The following CNTNAP2 variants were observed in gnomAD, a reference collection of about 807,000 sequenced individuals.
CNTNAP2 encodes the protein contactin-associated protein-like 2.
CNTNAP2 carries 98 observed loss-of-function variants against 155.2 expected under a neutral mutation model. The observed-to-expected ratio is 0.63, with a 90% CI of 0.54 to 0.75. The LOEUF (loss-of-function observed/expected upper bound fraction) is 0.75. CNTNAP2 is among the 30% of genes least tolerant of loss of function. The pLI is 0.00. For synonymous variants in CNTNAP2, 651 were observed against 631.2 expected (o/e 1.03, Z -0.47); for missense variants, 1,727 against 1,688.1 (o/e 1.02, Z -0.40).
At chr7:147,197,626 T>G (rs889073745) in intron 8 of CNTNAP2, among the ~76,000 whole-genome samples, 41 of 152,040 alleles carry the variant, frequency 2.7e-4, no homozygotes, top group African/African-American at 9.9e-4. Flanking sequence ...AATGAACAGG[T>G]TTTTCTCAGA....
chr7:147,331,744 G>T (rs764499370), intron 9 of CNTNAP2, among the ~76,000 whole-genome samples: 7 of 152,134 alleles, frequency 4.6e-5, no homozygotes, highest in Non-Finnish European at 8.8e-5. Context: ...AAGACTCATC[G>T]AGATTACTAG....
At chr7:146,349,450 C>T (rs956349702) in intron 1 of CNTNAP2, among the ~76,000 whole-genome samples, 18 of 152,146 alleles carry the variant, frequency 1.2e-4, no homozygotes, top group African/African-American at 3.9e-4. Flanking sequence ...CAAACTTATG[C>T]ATCTATAAAA....
chr7:147,548,338 G>A (rs1329411083), intron 11 of CNTNAP2, among the ~76,000 whole-genome samples: 1 of 152,152 alleles, frequency 6.6e-6, no homozygotes, highest in South Asian at 2.1e-4. Context: ...GTTTAGATTT[G>A]CATTTCTCTG....
chr7:147,816,310 G>A (rs189545757), intron 13 of CNTNAP2, among the ~76,000 whole-genome samples: 5 of 152,278 alleles, frequency 3.3e-5, no homozygotes, highest in Admixed American at 3.3e-4. Context: ...GAGGATGGGG[G>A]ATGGAGAAAG....
intron 1 of CNTNAP2, among the ~76,000 whole-genome samples, chr7:146,616,027 A>G (rs561294121): frequency 6.6e-6 from 1 of 152,334 alleles, no homozygotes; most frequent in South Asian, 2.1e-4. Context: ...TAGTATGACA[A>G]TGGTAATCCT....
chr7:147,050,765 G>A (rs1013963589), intron 4 of CNTNAP2, among the ~76,000 whole-genome samples: 8 of 152,084 alleles, frequency 5.3e-5, no homozygotes, highest in African/African-American at 1.9e-4. Flanking sequence ...AATTTAAGAC[G>A]ATGGAAAGGT....
chr7:148,153,020 C>CAAAAAA (rs373499312), intron 17 of CNTNAP2, among the ~76,000 whole-genome samples: 2 of 22,678 alleles, frequency 8.8e-5, no homozygotes, highest in African/African-American at 3.4e-4. Flanking sequence ...GACTCCGTCT[C>CAAAAAA]AAAAAAAAAA....
At chr7:147,631,620 T>C (rs1169833616) in intron 12 of CNTNAP2, among the ~76,000 whole-genome samples, 1 of 152,128 alleles carries the variant, frequency 6.6e-6, no homozygotes, top group East Asian at 1.9e-4. Context: ...ATGGTACTGG[T>C]GTAAAAATAG....
chr7:147,198,481 C>T (rs958486727), intron 8 of CNTNAP2, among the ~76,000 whole-genome samples: 2 of 152,222 alleles, frequency 1.3e-5, no homozygotes, highest in Non-Finnish European at 2.9e-5. Context: ...ATCCACCCAC[C>T]TCAGCCTCCC....
intron 1 of CNTNAP2, among the ~76,000 whole-genome samples, chr7:146,711,570 C>A (rs971160092): frequency 6.7e-6 from 1 of 149,308 alleles, no homozygotes; most frequent in Non-Finnish European, 1.5e-5. Flanking sequence ...AAACACCATA[C>A]TGTATTCAAA....
chr7:147,377,248 C>G (rs897795300), intron 9 of CNTNAP2, among the ~76,000 whole-genome samples: 13 of 147,948 alleles, frequency 8.8e-5, no homozygotes, highest in Admixed American at 2.7e-4. Context: ...TATTTTTTTT[C>G]AAAAATACTT....
chr7:148,367,047 A>G (rs1205908832), intron 21 of CNTNAP2, among the ~76,000 whole-genome samples: 2 of 152,164 alleles, frequency 1.3e-5, no homozygotes, highest in African/African-American at 2.4e-5. Flanking sequence ...TCTGGCCAAC[A>G]TGGTGAAGCC....
intron 21 of CNTNAP2, among the ~76,000 whole-genome samples, chr7:148,362,363 C>T (rs1798641120): frequency 6.6e-6 from 1 of 152,150 alleles, no homozygotes; most frequent in African/African-American, 2.4e-5. Flanking sequence ...GGACACAGAG[C>T]CAAACAGTAT....
chr7:147,645,726 G>A (rs1795355704), intron 13 of CNTNAP2, among the ~76,000 whole-genome samples: 1 of 152,154 alleles, frequency 6.6e-6, no homozygotes, highest in Non-Finnish European at 1.5e-5. Flanking sequence ...CTGTGTATCA[G>A]GAAGTGTGAC....
intron 8 of CNTNAP2, among the ~76,000 whole-genome samples, chr7:147,206,955 G>GTGA (rs1803035554): frequency 6.6e-6 from 1 of 152,138 alleles, no homozygotes; most frequent in African/African-American, 2.4e-5. Context: ...GGAAATTACT[G>GTGA]CTCATTTCAG....
chr7:146,817,134 A>G (rs1803187124), intron 2 of CNTNAP2, among the ~76,000 whole-genome samples: 1 of 152,132 alleles, frequency 6.6e-6, no homozygotes, highest in Admixed American at 6.5e-5. Flanking sequence ...CCTGTTACAT[A>G]AACAGTGTCA....
chr7:148,002,227 C>T (rs903007607), intron 15 of CNTNAP2, among the ~76,000 whole-genome samples: 1 of 152,100 alleles, frequency 6.6e-6, no homozygotes, highest in African/African-American at 2.4e-5. Flanking sequence ...ATCCACCCTC[C>T]AGCCACGTGT....
intron 21 of CNTNAP2, among the ~76,000 whole-genome samples, chr7:148,284,295 G>A (rs537060466): frequency 6.6e-6 from 1 of 152,166 alleles, no homozygotes; most frequent in African/African-American, 2.4e-5. Context: ...TGTTCTCATG[G>A]TAGTGAAGAA....
At chr7:148,025,474 T>G (rs1448161282) in intron 15 of CNTNAP2, among the ~76,000 whole-genome samples, 1 of 152,210 alleles carries the variant, frequency 6.6e-6, no homozygotes, top group African/African-American at 2.4e-5. Context: ...AGTTTTACTA[T>G]CTCTCATCCT....
Sources: allele counts gnomAD v4.1 joint callset (sites outside exome capture counted in the v4.1 genomes callset), GRCh38; gene constraint gnomAD v4.1.1; transcripts MANE v1.5; gene names NCBI Gene and HGNC (gene_info 2026-07-23, HGNC 2026-07-21).